ATRNL1: variants seen among roughly 807,000 people sequenced by gnomAD.
ATRNL1 encodes attractin-like protein 1.
Under a neutral mutation model 182.7 loss-of-function variants are expected in ATRNL1, and 95 were observed. The ratio of observed to expected loss-of-function variants is 0.52; its 90% CI spans 0.44 to 0.62. ATRNL1 has a LOEUF of 0.62. Ranked by LOEUF, ATRNL1 falls within the 20% of genes least tolerant of loss-of-function variation. The pLI is 0.00. For missense variants in ATRNL1, 1,471 were observed against 1,679.5 expected (o/e 0.88, Z 2.17); for synonymous variants, 576 against 568.3 (o/e 1.01, Z -0.19).
At chr10:115,581,738 A>G (rs1184206021) in intron 26 of ATRNL1, among the ~76,000 whole-genome samples, 2 of 120,786 alleles carry the variant, frequency 1.7e-5, no homozygotes, top group African/African-American at 2.7e-5. Flanking sequence ...GAAACCATCG[A>G]CACTAAACTT....
chr10:115,547,022 G>A (rs548270384), intron 25 of ATRNL1, among the ~76,000 whole-genome samples: 2 of 152,082 alleles, frequency 1.3e-5, no homozygotes, highest in African/African-American at 4.8e-5. Context: ...GGAAGGCCGA[G>A]GCCGGCAGAT....
intron 19 of ATRNL1, among the ~76,000 whole-genome samples, chr10:115,374,453 T>TTCCTTTCCTTCC (rs1421460494): frequency 7.4e-6 from 1 of 135,798 alleles, no homozygotes; most frequent in Non-Finnish European, 1.6e-5. Context: ...CCTTCCTTCC[T>TTCCTTTCCTTCC]TTCCTTCCTT....
intron 28 of ATRNL1, among the ~76,000 whole-genome samples, chr10:115,871,467 C>CCATATATATATATATATATATATA: frequency 1.2e-4 from 2 of 16,576 alleles, no homozygotes; most frequent in African/African-American, 1.7e-4. Context: ...TGGTCAGATT[C>CCATATATATATATATATATATATA]TTTGTGTGTG....
At chr10:115,893,607 A>C (rs1589657874) in intron 28 of ATRNL1, among the ~76,000 whole-genome samples, 1 of 152,154 alleles carries the variant, frequency 6.6e-6, no homozygotes, top group Non-Finnish European at 1.5e-5. Flanking sequence ...ATGGGTTAGC[A>C]TAAGCACTTT....
intron 8 of ATRNL1, among the ~76,000 whole-genome samples, chr10:115,212,704 G>A (rs549613998): frequency 6.6e-6 from 1 of 152,198 alleles, no homozygotes; most frequent in South Asian, 2.1e-4. Context: ...GCAGGGACAT[G>A]GTTGGAGCTG....
chr10:115,892,317 T>G (rs1178566313), intron 28 of ATRNL1, among the ~76,000 whole-genome samples: 1 of 152,172 alleles, frequency 6.6e-6, no homozygotes, highest in African/African-American at 2.4e-5. Context: ...AAGAGACTGT[T>G]TACCCAATAA....
intron 9 of ATRNL1, among the ~76,000 whole-genome samples, chr10:115,227,041 A>G (rs1454679023): frequency 6.6e-6 from 1 of 152,162 alleles, no homozygotes; most frequent in Non-Finnish European, 1.5e-5. Flanking sequence ...AAGTCCCCAA[A>G]AGTAATTGCA....
At chr10:115,685,367 A>G (rs1946182855) in intron 26 of ATRNL1, among the ~76,000 whole-genome samples, 1 of 151,832 alleles carries the variant, frequency 6.6e-6, no homozygotes, top group Non-Finnish European at 1.5e-5. Flanking sequence ...ATATAATTTT[A>G]TCATCTATAC....
At chr10:115,153,373 T>C (rs904740929) in intron 5 of ATRNL1, among the ~76,000 whole-genome samples, 8 of 152,168 alleles carry the variant, frequency 5.3e-5, no homozygotes, top group Non-Finnish European at 8.8e-5. Context: ...GGTAAGCTAT[T>C]AATTATTGCC....
chr10:115,304,103 T>C (rs1225048619), intron 17 of ATRNL1, among the ~76,000 whole-genome samples: 2 of 152,024 alleles, frequency 1.3e-5, no homozygotes, highest in Non-Finnish European at 2.9e-5. Context: ...TCTGACCCTT[T>C]CTCTCCAGGA....
intron 1 of ATRNL1, among the ~76,000 whole-genome samples, chr10:115,097,879 G>A (rs541830717): frequency 1.5e-4 from 23 of 151,950 alleles, no homozygotes; most frequent in Non-Finnish European, 3.1e-4. Flanking sequence ...AGCATAGGTC[G>A]CGCAACTGCA....
chr10:115,427,130 A>C (rs113691424), intron 21 of ATRNL1, among the ~76,000 whole-genome samples: 13 of 152,252 alleles, frequency 8.5e-5, no homozygotes, highest in African/African-American at 3.1e-4. Context: ...CACATTTCAG[A>C]AACTTTTTTA....
chr10:115,101,397 C>A (rs1459110869), intron 1 of ATRNL1, among the ~76,000 whole-genome samples: 3 of 151,718 alleles, frequency 2.0e-5, no homozygotes, highest in Admixed American at 6.6e-5. Context: ...TCCTAGTTTG[C>A]CAAGAGTTTT....
At chr10:115,181,281 G>T (rs1264053727) in intron 8 of ATRNL1, among the ~76,000 whole-genome samples, 1 of 151,836 alleles carries the variant, frequency 6.6e-6, no homozygotes, top group Non-Finnish European at 1.5e-5. Context: ...GGGGAAATCA[G>T]AGATAAGAAC....
intron 26 of ATRNL1, among the ~76,000 whole-genome samples, chr10:115,575,779 G>A (rs782614577): frequency 1.7e-4 from 26 of 151,760 alleles, no homozygotes; most frequent in Non-Finnish European, 3.5e-4. Context: ...TACTCTCTTA[G>A]CAAATTTTCA....
intron 9 of ATRNL1, among the ~76,000 whole-genome samples, chr10:115,239,009 C>A (rs1015851048): frequency 6.6e-6 from 1 of 152,010 alleles, no homozygotes; most frequent in African/African-American, 2.4e-5. Context: ...GTTAGCTTAT[C>A]GACATGATGG....
intron 8 of ATRNL1, among the ~76,000 whole-genome samples, chr10:115,173,845 C>G (rs1847386847): frequency 6.8e-6 from 1 of 147,240 alleles, no homozygotes; most frequent in Admixed American, 6.7e-5. Context: ...TTTAGAATCA[C>G]TTTAAAAAAA....
chr10:115,521,537 T>A (rs1554985203), intron 25 of ATRNL1, among the ~76,000 whole-genome samples: 1 of 152,182 alleles, frequency 6.6e-6, no homozygotes, highest in Non-Finnish European at 1.5e-5. Flanking sequence ...AAGTTGAATA[T>A]GTATGTAAAT....
intron 10 of ATRNL1, among the ~76,000 whole-genome samples, chr10:115,264,479 CACTGTA>C (rs1367399552): frequency 6.6e-6 from 1 of 151,460 alleles, no homozygotes; most frequent in Non-Finnish European, 1.5e-5. Flanking sequence ...AAATCTAAAA[CACTGTA>C]TTGAGAATGT....
Sources: allele counts gnomAD v4.1 joint callset (sites outside exome capture counted in the v4.1 genomes callset), GRCh38; gene constraint gnomAD v4.1.1; transcripts MANE v1.5; gene names NCBI Gene and HGNC (gene_info 2026-07-23, HGNC 2026-07-21).